Variants in NEDD9 observed in about 807,000 individuals in gnomAD.
NEDD9 encodes the protein enhancer of filamentation 1.
Under a neutral mutation model 76.6 loss-of-function variants are expected in NEDD9, and 26 were observed. The observed-to-expected ratio is 0.34, with a 90% CI of 0.25 to 0.47. The LOEUF is 0.47. NEDD9 is among the 20% of genes least tolerant of loss of function. The pLI, the probability that NEDD9 is intolerant of heterozygous loss-of-function variation, is 1.00. For missense variants in NEDD9, 937 were observed against 1,058.5 expected (o/e 0.89, Z 1.59); for synonymous variants, 392 against 414.2 (o/e 0.95, Z 0.65).
intron 1 of NEDD9, among the ~76,000 whole-genome samples, chr6:11,355,085 C>T (rs1243369201): frequency 1.3e-5 from 2 of 152,160 alleles, no homozygotes; most frequent in Non-Finnish European, 2.9e-5. Context: ...CAGTAGGGCA[C>T]AGTAGGTGCC....
chr6:11,327,849 C>T (rs979614392), intron 2 of NEDD9, among the ~76,000 whole-genome samples: 1 of 152,132 alleles, frequency 6.6e-6, no homozygotes, highest in Non-Finnish European at 1.5e-5. Flanking sequence ...CGTCTTAATC[C>T]ACACCTGGGA....
intron 1 of NEDD9, among the ~76,000 whole-genome samples, chr6:11,380,047 T>C (rs186542308): frequency 1.3e-4 from 20 of 152,332 alleles, no homozygotes; most frequent in Admixed American, 5.2e-4. Context: ...TAAGGTGCTC[T>C]CCATGCTGTG....
At chr6:11,273,518 C>T (rs1046451331) in intron 3 of NEDD9, among the ~76,000 whole-genome samples, 3 of 152,222 alleles carry the variant, frequency 2.0e-5, no homozygotes, top group Non-Finnish European at 2.9e-5. Context: ...CCGGGGACTG[C>T]GCCTATCTGT....
chr6:11,304,926 G>T, intron 3 of NEDD9: 2 of 438,292 alleles, frequency 4.6e-6, no homozygotes, highest in Non-Finnish European at 7.8e-6. Flanking sequence ...TGCACGTTTT[G>T]CACATGTACC....
intron 3 of NEDD9, among the ~76,000 whole-genome samples, chr6:11,239,022 C>A (rs1759659829): frequency 1.3e-5 from 2 of 152,000 alleles, no homozygotes; most frequent in South Asian, 4.2e-4. Flanking sequence ...AAAAAATTAA[C>A]CAGGTGTGGT....
chr6:11,342,246 G>A (rs62395340), intron 1 of NEDD9, among the ~76,000 whole-genome samples: 1 of 150,628 alleles, frequency 6.6e-6, no homozygotes, highest in Non-Finnish European at 1.5e-5. Flanking sequence ...CCCAGAAGGA[G>A]GAGAGAGAGA....
At chr6:11,299,703 T>C (rs1231610445) in intron 3 of NEDD9, among the ~76,000 whole-genome samples, 1 of 152,144 alleles carries the variant, frequency 6.6e-6, no homozygotes, top group Non-Finnish European at 1.5e-5. Flanking sequence ...CCTCCGCTGG[T>C]GATACCCAGG....
In NEDD9 at chr6:11,241,150, G is replaced by T. The variant is rs901029553; in HGVS notation, c.13-27423C>A. ...AAATAAACAGGAATGGACTCTCATGGCTGAAATGAGAGTGGCCGTCTCCTC... is the reference window on the plus strand; with the variant it reads ...AAATAAACAGGAATGGACTCTCATGTCTGAAATGAGAGTGGCCGTCTCCTC... On this transcript the variant is annotated intron_variant, in intron 3 of 3. Transcript: ENST00000397378. This position sits in a 1 kb window ranked among gnomAD's most constrained non-coding sequence, Gnocchi z 4.0. Among the ~76,000 whole-genome samples, 1 of 152,210 alleles carries T rather than the reference G, an allele frequency of 6.6e-6. No homozygotes were observed. The highest frequency in any genetic ancestry group is 1.5e-5 in the Non-Finnish European group (1 of 68,044).
At chr6:11,359,326 G>A (rs1401554790) in intron 1 of NEDD9, among the ~76,000 whole-genome samples, 1 of 152,218 alleles carries the variant, frequency 6.6e-6, no homozygotes, top group Middle Eastern at 3.2e-3. Flanking sequence ...AAGCAAATGG[G>A]CCTTTGCCCA....
chr6:11,325,036 C>T (rs958329960), intron 2 of NEDD9, among the ~76,000 whole-genome samples: 18 of 152,048 alleles, frequency 1.2e-4, no homozygotes, highest in African/African-American at 3.6e-4. Flanking sequence ...TGTCAGTAAG[C>T]CAAAGGTAGA....
At chr6:11,251,007 G>T (rs935723354) in intron 3 of NEDD9, among the ~76,000 whole-genome samples, 1 of 152,168 alleles carries the variant, frequency 6.6e-6, no homozygotes, top group Non-Finnish European at 1.5e-5. Flanking sequence ...TTTTTCTGCT[G>T]TAAGGAGACT....
intron 1 of NEDD9, among the ~76,000 whole-genome samples, chr6:11,341,248 A>C (rs970489314): frequency 1.3e-5 from 2 of 152,332 alleles, no homozygotes; most frequent in East Asian, 3.9e-4. Context: ...CCAGACTGCA[A>C]AAATGGGGAG....
intron 3 of NEDD9, chr6:11,249,170 T>C (rs1759865259): frequency 2.2e-6 from 1 of 455,956 alleles, no homozygotes; most frequent in Non-Finnish European, 4.4e-6. Flanking sequence ...GTAAAGCAGA[T>C]TGCCCTTCAT....
intron 3 of NEDD9, among the ~76,000 whole-genome samples, chr6:11,265,033 AG>A (rs1164649754): frequency 1.3e-5 from 2 of 152,246 alleles, no homozygotes; most frequent in African/African-American, 2.4e-5. Flanking sequence ...CTTAAATTAT[AG>A]GGACCTTTTA....
intron 1 of NEDD9, among the ~76,000 whole-genome samples, chr6:11,342,739 A>G (rs946645826): frequency 6.0e-4 from 91 of 152,192 alleles, no homozygotes; most frequent in African/African-American, 2.1e-3. Context: ...AGTAATAGAA[A>G]CAATAAGTAA....
chr6:11,297,212 T>C (rs1434478831), intron 3 of NEDD9, among the ~76,000 whole-genome samples: 1 of 151,080 alleles, frequency 6.6e-6, no homozygotes, highest in Non-Finnish European at 1.5e-5. Context: ...CAATGGTAAA[T>C]GTTTAACTAC....
At chr6:11,349,906 C>T (rs540932636) in intron 1 of NEDD9, among the ~76,000 whole-genome samples, 1 of 152,136 alleles carries the variant, frequency 6.6e-6, no homozygotes, top group East Asian at 1.9e-4. Flanking sequence ...TGTATATGTA[C>T]CCCTGAACCT....
At chr6:11,282,242 C>G (rs369298346) in intron 3 of NEDD9, among the ~76,000 whole-genome samples, 1 of 152,186 alleles carries the variant, frequency 6.6e-6, no homozygotes, top group African/African-American at 2.4e-5. Flanking sequence ...GACTTTTGCT[C>G]ACTCCCTCCT....
intron 1 of NEDD9, among the ~76,000 whole-genome samples, chr6:11,359,749 CT>C (rs1762643827): frequency 6.6e-6 from 1 of 152,194 alleles, no homozygotes; most frequent in Admixed American, 6.5e-5. Flanking sequence ...GAAACCCATC[CT>C]ATAAGATTGG....
Sources: allele counts gnomAD v4.1 joint callset (sites outside exome capture counted in the v4.1 genomes callset), GRCh38; gene constraint gnomAD v4.1.1; non-coding constraint Gnocchi (gnomAD v3.1); transcripts MANE v1.5; gene names NCBI Gene and HGNC (gene_info 2026-07-23, HGNC 2026-07-21).